The following RBM47 variants were observed in gnomAD, a reference collection of about 807,000 sequenced individuals.
The protein encoded by RBM47 is RNA-binding protein 47.
Under a neutral mutation model 47.1 loss-of-function variants are expected in RBM47, and 21 were observed. The ratio of observed to expected loss-of-function variants is 0.45; its 90% CI spans 0.32 to 0.64. RBM47 has a LOEUF of 0.64. Ranked by LOEUF, RBM47 falls within the 30% of genes least tolerant of loss-of-function variation. RBM47 has a pLI of 0.05. For synonymous variants in RBM47, 375 were observed against 361.7 expected, an observed-to-expected ratio of 1.04 and a Z score of -0.42; for missense variants, 708 against 870.9, an observed-to-expected ratio of 0.81 and a Z score of 2.35.
chr4:40,457,423 A>C (rs1184013916), intron 3 of RBM47, among the ~76,000 whole-genome samples: 8 of 14,808 alleles, frequency 5.4e-4, no homozygotes, highest in African/African-American at 1.1e-3. Flanking sequence ...ACTCCATCTC[A>C]AAAAAAAAAA....
At chr4:40,621,144 A>G (rs918443779) in intron 1 of RBM47, among the ~76,000 whole-genome samples, 6 of 152,140 alleles carry the variant, frequency 3.9e-5, no homozygotes, top group Non-Finnish European at 8.8e-5. Context: ...TTTTACTGCA[A>G]AGAACCTTCC....
intron 1 of RBM47, among the ~76,000 whole-genome samples, chr4:40,577,204 C>T (rs1732423380): frequency 6.6e-6 from 1 of 152,182 alleles, no homozygotes; most frequent in Admixed American, 6.6e-5. Flanking sequence ...TCCTGGAGTG[C>T]TGAGCCAAGA....
At chr4:40,504,813 A>G (rs1399527449) in intron 2 of RBM47, among the ~76,000 whole-genome samples, 2 of 152,152 alleles carry the variant, frequency 1.3e-5, no homozygotes, top group Non-Finnish European at 2.9e-5. Context: ...TTCTATTCAC[A>G]TTCCTTATTT....
At chr4:40,593,782 G>A (rs1444189329) in intron 1 of RBM47, among the ~76,000 whole-genome samples, 1 of 151,918 alleles carries the variant, frequency 6.6e-6, no homozygotes, top group African/African-American at 2.4e-5. Flanking sequence ...TACTCGGGAG[G>A]CTGAGGCAGG....
At chr4:40,569,410 C>CTT (rs1243894059) in intron 1 of RBM47, among the ~76,000 whole-genome samples, 2 of 147,696 alleles carry the variant, frequency 1.4e-5, no homozygotes, top group South Asian at 2.1e-4. Flanking sequence ...ATTCTATTCT[C>CTT]ATTTTTTTTT....
At chr4:40,460,828 CA>C (rs947785771) in intron 3 of RBM47, among the ~76,000 whole-genome samples, 1 of 137,476 alleles carries the variant, frequency 7.3e-6, no homozygotes, top group Admixed American at 8.3e-5. Flanking sequence ...GCAGGTGTTG[CA>C]GTGAGCCAAG....
intron 1 of RBM47, among the ~76,000 whole-genome samples, chr4:40,598,536 C>T (rs897405336): frequency 6.6e-6 from 1 of 152,008 alleles, no homozygotes; most frequent in African/African-American, 2.4e-5. Flanking sequence ...AGGCATGAGC[C>T]ACTGCGCCCG....
At position 40,581,315 on chromosome 4, in the gene RBM47, G is replaced by T. The variant is rs150050310; in HGVS notation, c.-239-36809C>A. On this transcript the variant is annotated intron_variant, in intron 1 of 6. Coordinates refer to ENST00000295971, the MANE Select transcript of RBM47 (RefSeq NM_001098634.2). ...CATGCGCCTGTAGTCCCAGCTACTC[G>T]AGAGGCTGAGGTGGGAAGATCCCTT... 9.2e-3 allele frequency among the ~76,000 whole-genome samples: 1,398 copies of T among 152,004 alleles called. 19 individuals carry two copies. The highest frequency in any genetic ancestry group is 0.032 in the African/African-American group (1,321 of 41,452).
intron 2 of RBM47, among the ~76,000 whole-genome samples, chr4:40,541,416 C>T (rs1728528790): frequency 6.6e-6 from 1 of 152,094 alleles, no homozygotes; most frequent in South Asian, 2.1e-4. Context: ...GGCCAAAGGG[C>T]GCCAGCTCAG....
intron 2 of RBM47, among the ~76,000 whole-genome samples, chr4:40,470,398 TC>T (rs1718676127): frequency 6.6e-6 from 1 of 152,174 alleles, no homozygotes; most frequent in Non-Finnish European, 1.5e-5. Context: ...CGCTCATGAC[TC>T]CGTCTTCAAC....
intron 1 of RBM47, among the ~76,000 whole-genome samples, chr4:40,621,234 C>A (rs538959200): frequency 4.6e-5 from 7 of 152,142 alleles, no homozygotes; most frequent in African/African-American, 9.7e-5. Context: ...ACTGAGGAAG[C>A]CTTTTTCAGT....
chr4:40,604,079 T>C (rs1313852648), intron 1 of RBM47, among the ~76,000 whole-genome samples: 1 of 152,206 alleles, frequency 6.6e-6, no homozygotes, highest in Middle Eastern at 3.2e-3. Flanking sequence ...TACCATCACA[T>C]TCAAGGTCTT....
rs1054365688 is a variant in RBM47 at position 40,592,295 on chromosome 4, C to T, written c.-240+37101G>A. ...TTTTGAGGCAGGTCTTACTGGGTCGCTCAGGCTAGAGTGCAGTGGTGCAAT... is the reference window on the plus strand; with the variant it reads ...TTTTGAGGCAGGTCTTACTGGGTCGTTCAGGCTAGAGTGCAGTGGTGCAAT... On this transcript the variant is annotated intron_variant, in intron 1 of 6. Coordinates refer to ENST00000295971, the MANE Select transcript of RBM47 (RefSeq NM_001098634.2). Among the ~76,000 whole-genome samples the T allele has an allele frequency of 2.1e-4, 32 of 150,442 alleles. No individual in the cohort carries two copies. In the South Asian group the frequency reaches 5.4e-3, roughly 26 times the overall value.
intron 2 of RBM47, among the ~76,000 whole-genome samples, chr4:40,482,245 T>G (rs753528498): frequency 1.3e-5 from 2 of 151,670 alleles, no homozygotes; most frequent in Non-Finnish European, 2.9e-5. Flanking sequence ...CTGCATTCCC[T>G]TTTTTATCTT....
chr4:40,610,903 T>C (rs918653381), intron 1 of RBM47, among the ~76,000 whole-genome samples: 1 of 151,890 alleles, frequency 6.6e-6, no homozygotes, highest in African/African-American at 2.4e-5. Flanking sequence ...CCTTTCACCC[T>C]CCCCCATGAT....
At chr4:40,611,935 T>C (rs1384841427) in intron 1 of RBM47, among the ~76,000 whole-genome samples, 1 of 152,116 alleles carries the variant, frequency 6.6e-6, no homozygotes, top group Non-Finnish European at 1.5e-5. Context: ...TGTAATAAAA[T>C]AATCAAGCGT....
At chr4:40,552,151 C>T (rs753123208) in intron 1 of RBM47, among the ~76,000 whole-genome samples, 1 of 152,008 alleles carries the variant, frequency 6.6e-6, no homozygotes, top group Non-Finnish European at 1.5e-5. Flanking sequence ...GTAATCCCAG[C>T]ACTTTGGGAG....
At chr4:40,472,218 T>A (rs536938743) in intron 2 of RBM47, among the ~76,000 whole-genome samples, 1 of 152,322 alleles carries the variant, frequency 6.6e-6, no homozygotes, top group African/African-American at 2.4e-5. Flanking sequence ...TTAATTAGTC[T>A]GAGATGTTGT....
intron 1 of RBM47, among the ~76,000 whole-genome samples, chr4:40,626,721 C>G (rs6447285): frequency 0.73 from 110,760 of 152,044 alleles, 40,936 homozygotes; most frequent in African/African-American, 0.83. Context: ...TACAGACGCT[C>G]ACAGAATAGA....
Sources: allele counts gnomAD v4.1 joint callset (sites outside exome capture counted in the v4.1 genomes callset), GRCh38; gene constraint gnomAD v4.1.1; transcripts MANE v1.5; gene names NCBI Gene and HGNC (gene_info 2026-07-23, HGNC 2026-07-21).